Variants in HOXA11 observed in about 807,000 individuals in gnomAD.
HOXA11 encodes homeobox A11.
In HOXA11, 8 loss-of-function variants were observed where a neutral mutation model predicts 22.5. That is an observed-to-expected ratio of 0.36 (90% CI 0.21 to 0.64). The LOEUF (loss-of-function observed/expected upper bound fraction) is 0.64, where lower values mean the gene tolerates loss of function less well. Among genes scored for constraint, HOXA11 ranks in the 30% least tolerant of loss-of-function variants. The pLI is 0.67. For missense variants in HOXA11, 388 were observed against 429.0 expected (o/e 0.90, Z 0.84); for synonymous variants, 211 against 188.4 (o/e 1.12, Z -0.98).
At chr7:27,183,374 C>T (rs1038946337) in intron 1 of HOXA11, among the ~76,000 whole-genome samples, 8 of 152,240 alleles carry the variant, frequency 5.3e-5, no homozygotes, top group African/African-American at 1.9e-4. Context: ...CTCTCGCAGG[C>T]CAGACTAAAC....
rs1030889303 is a variant in HOXA11, at chr7:27,181,211, C to G, written c.*1585G>C. Among the ~76,000 whole-genome samples the G allele has an allele frequency of 6.6e-6, 1 of 152,102 alleles. No individual in the cohort carries two copies. The highest frequency in any genetic ancestry group is 2.4e-5 in the African/African-American group (1 of 41,406). ...TGCCCAGTTGCCTGTATAAGTGCTGCAACACACACGGTGGGTAAGAACCAG... is the reference window on the plus strand; with the variant it reads ...TGCCCAGTTGCCTGTATAAGTGCTGGAACACACACGGTGGGTAAGAACCAG... On this transcript the variant is annotated 3_prime_UTR_variant, in exon 2 of 2. Coordinates refer to ENST00000006015, the MANE Select transcript of HOXA11 (RefSeq NM_005523.6).
chr7:27,184,639 G>A lies in HOXA11; in HGVS notation c.506C>T (p.Pro169Leu). The change falls in exon 1 of 2, where the codon CCC becomes CTC. Residue 169 changes from proline to leucine, a missense_variant. Around this residue, in one of 4 missense-constraint regions of HOXA11, gnomAD observed 295 missense variants for 281.1 expected, o/e 1.05. Transcript: ENST00000006015. ...YPGDKSAEKG[P>L]PAATATSAAA... is the part of the protein sequence containing the mutation. ...CGCGGAGGTCGCCGTGGCCGCCGGG[G>A]GCCCCTTCTCGGCGCTCTTGTCCCC... 2 of 1,584,520 alleles carry A rather than the reference G, an allele frequency of 1.3e-6. No homozygotes were observed. The highest frequency in any genetic ancestry group is 1.4e-5 in the African/African-American group (1 of 72,862).
In HOXA11 at chr7:27,181,437, T is replaced by C. The variant is rs555512277; in HGVS notation, c.*1359A>G. On this transcript the variant is annotated 3_prime_UTR_variant, in exon 2 of 2. Coordinates refer to ENST00000006015, the MANE Select transcript of HOXA11 (RefSeq NM_005523.6). ...TTAAAAAGACCATTCTCAATACCTT[T>C]TCCACCCCCTCCAACACCCTAAAGG... is the stretch of plus-strand genomic sequence containing the variant. 589 of 148,848 alleles carry C rather than the reference T, an allele frequency of 4.0e-3. 4 individuals carry two copies. Among genetic ancestry groups the C allele is most frequent in the Admixed American group, 8.3e-3 (96 of 11,552 alleles). 9.2% of individuals were successfully genotyped at this position (148,848 alleles called of 1,614,324 possible). A position where few individuals can be genotyped will look rare whatever the true frequency, so the allele number is the denominator to read the frequency against.
Position 27,184,918 on chromosome 7 carries a change from C to T in HOXA11, c.227G>A (p.Arg76His). The stretch of plus-strand genomic sequence containing the variant: ...GGAGTAGCAGTGGGCCAGATTGCCG[C>T]GGGGGTGCCATTTAGTGGCGGGCTC... The part of the protein sequence containing the change: ...AIEPATKWHP[R>H]GNLAHCYSAE... Residue 76 changes from arginine to histidine, a missense_variant, in exon 1 of 2, where the codon CGC (arginine) becomes CAC (histidine). By Grantham distance (29) the Arg-to-His change is conservative (BLOSUM62 0). Coordinates refer to ENST00000006015, the MANE Select transcript of HOXA11 (RefSeq NM_005523.6). 6.2e-7 allele frequency: 1 copy of T among 1,613,988 alleles called. No homozygotes were observed. Among genetic ancestry groups the T allele is most frequent in the Non-Finnish European group, 8.5e-7 (1 of 1,179,924 alleles).
In HOXA11 at chr7:27,182,466, T is replaced by C; in HGVS notation, c.*330A>G. On this transcript the variant is annotated 3_prime_UTR_variant, in exon 2 of 2. Coordinates refer to ENST00000006015, the MANE Select transcript of HOXA11 (RefSeq NM_005523.6). ...TAGAGGGAGGGTGTGGTGGGGTTAG[T>C]CTCCAGGGGGTCTGGCAGGGGCCCA... The C allele has an allele frequency of 2.2e-6, 1 of 459,854 alleles. No homozygotes were observed. Among genetic ancestry groups the C allele is most frequent in the Non-Finnish European group, 4.0e-6 (1 of 249,120 alleles). 28.5% of individuals were successfully genotyped at this position (459,854 alleles called of 1,614,324 possible).
In HOXA11 at chr7:27,184,918, C is replaced by G. The variant is rs775862030; in HGVS notation, c.227G>C (p.Arg76Pro). 1 of 1,613,870 alleles carries G rather than the reference C, an allele frequency of 6.2e-7. No homozygotes were observed. ...AIEPATKWHP[R>P]GNLAHCYSAE... The stretch of plus-strand genomic sequence containing the variant: ...GGAGTAGCAGTGGGCCAGATTGCCG[C>G]GGGGGTGCCATTTAGTGGCGGGCTC... The change falls in exon 1 of 2, where the codon CGC (arginine) becomes CCC (proline). Residue 76 changes from arginine to proline, a missense_variant. Around this residue, in one of 4 missense-constraint regions of HOXA11, gnomAD observed 295 missense variants for 281.1 expected, o/e 1.05. Coordinates refer to ENST00000006015, the MANE Select transcript of HOXA11 (RefSeq NM_005523.6).
rs553316274 is a variant in HOXA11, at chr7:27,182,268, C to A, written c.*528G>T. 7.7e-6 allele frequency: 2 copies of A among 259,828 alleles called. No homozygotes were observed. The highest frequency in any genetic ancestry group is 2.2e-4 in the South Asian group (2 of 8,902). The allele number at this position is 259,828 out of a possible 1,614,324, so 16.1% of individuals were successfully genotyped here. A position where few individuals can be genotyped will look rare whatever the true frequency, so the allele number is the denominator to read the frequency against. On this transcript the variant is annotated 3_prime_UTR_variant, in exon 2 of 2. Coordinates refer to ENST00000006015, the MANE Select transcript of HOXA11 (RefSeq NM_005523.6). ...CACAAGGATTTGCAGCCCTCTTCCA[C>A]CTCAAAGCTACCTCCAAGTCCAGCC...
intron 1 of HOXA11, among the ~76,000 whole-genome samples, chr7:27,183,996 A>T (rs578183045): frequency 3.3e-5 from 5 of 152,166 alleles, no homozygotes; most frequent in Non-Finnish European, 5.9e-5. Flanking sequence ...GTCGTTAAAC[A>T]GCGACGCCTT....
chr7:27,182,489 C>A lies in HOXA11; in HGVS notation c.*307G>T. 2.1e-6 allele frequency: 1 copy of A among 476,812 alleles called. No homozygotes were observed. Among genetic ancestry groups the A allele is most frequent in the Non-Finnish European group, 3.8e-6 (1 of 260,012 alleles). The allele number at this position is 476,812 out of a possible 1,614,324, so 29.5% of individuals were successfully genotyped here. ...AGTCTCCAGGGGGTCTGGCAGGGGC[C>A]CAATCCCCAGTGGAGACCACACCCA... On this transcript the variant is annotated 3_prime_UTR_variant, in exon 2 of 2. Transcript: ENST00000006015.
At position 27,184,730 on chromosome 7, in the gene HOXA11, C is replaced by G. The variant is rs775170368; in HGVS notation, c.415G>C (p.Ala139Pro). ...TVGRNGVLPQ[A>P]FDQFFETAYG... Reference sequence around the variant, plus strand: ...GCTGTCTCGAAAAACTGGTCGAAAGCCTGTGGCAGGACGCCGTTCCTGCCC... The same window carrying G: ...GCTGTCTCGAAAAACTGGTCGAAAGGCTGTGGCAGGACGCCGTTCCTGCCC... Residue 139 changes from alanine to proline, a missense_variant, in exon 1 of 2, where the codon GCT (alanine) becomes CCT (proline). Coordinates refer to ENST00000006015, the MANE Select transcript of HOXA11 (RefSeq NM_005523.6). 2.2e-5 allele frequency: 36 copies of G among 1,613,864 alleles called. No individual in the cohort carries two copies. The highest frequency in any genetic ancestry group is 3.0e-5 in the Non-Finnish European group (35 of 1,179,942).
At chr7:27,183,719 T>A (rs921893372) in intron 1 of HOXA11, among the ~76,000 whole-genome samples, 1 of 122,190 alleles carries the variant, frequency 8.2e-6, no homozygotes, top group South Asian at 2.7e-4. Context: ...TTCCCGAAGC[T>A]GCGGGCAGGC....
rs759149884 is a variant in HOXA11, at chr7:27,184,632, C to A, written c.513G>T (p.Ala171=). 5 of 1,557,748 alleles carry A rather than the reference C, an allele frequency of 3.2e-6. No homozygotes were observed. The highest frequency in any genetic ancestry group is 5.0e-5 in the East Asian group (2 of 39,838). The part of the protein sequence containing the change: ...GDKSAEKGPP[A]ATATSAAAAA... The stretch of plus-strand genomic sequence containing the variant: ...CCGCCGCCGCGGAGGTCGCCGTGGC[C>A]GCCGGGGGCCCCTTCTCGGCGCTCT... The change falls in exon 1 of 2, where the codon GCG becomes GCT. Residue 171 remains alanine, a synonymous_variant. Transcript: ENST00000006015.
rs79389911 is a variant in HOXA11 at position 27,181,226 on chromosome 7, G to A, written c.*1570C>T. Among the ~76,000 whole-genome samples the A allele has an allele frequency of 2.7e-3, 411 of 152,294 alleles. 2 individuals are homozygous for A. The highest frequency in any genetic ancestry group is 9.4e-3 in the African/African-American group (389 of 41,536). On this transcript the variant is annotated 3_prime_UTR_variant, in exon 2 of 2. Transcript: ENST00000006015. Reference sequence around the variant, plus strand: ...ATAAGTGCTGCAACACACACGGTGGGTAAGAACCAGAATTGAGGACAGGCC... The same window carrying A: ...ATAAGTGCTGCAACACACACGGTGGATAAGAACCAGAATTGAGGACAGGCC...
chr7:27,183,534 T>A (rs958917192), intron 1 of HOXA11, among the ~76,000 whole-genome samples: 4 of 152,192 alleles, frequency 2.6e-5, no homozygotes, highest in Admixed American at 6.5e-5. Flanking sequence ...TTTGTCAGCC[T>A]GAGTCCTGGC....
intron 1 of HOXA11, among the ~76,000 whole-genome samples, chr7:27,184,213 GT>G (rs148277011): frequency 6.6e-6 from 1 of 150,782 alleles, no homozygotes; most frequent in African/African-American, 2.4e-5. Flanking sequence ...AAGGGGAGTT[GT>G]TTTTTTTTGC....
In HOXA11 at chr7:27,181,544, T is replaced by C; in HGVS notation, c.*1252A>G. 1 of 193,666 alleles carries C rather than the reference T, an allele frequency of 5.2e-6. No homozygotes were observed. Among genetic ancestry groups the C allele is most frequent in the Non-Finnish European group, 1.1e-5 (1 of 92,590 alleles). The allele number at this position is 193,666 out of a possible 1,614,324, so 12.0% of individuals were successfully genotyped here. Reference sequence around the variant, plus strand: ...TTATGGTTCCTTTATTTACAAGTTTTTTGAACACCATCCCTGTATGAAGCA... The same window carrying C: ...TTATGGTTCCTTTATTTACAAGTTTCTTGAACACCATCCCTGTATGAAGCA... On this transcript the variant is annotated 3_prime_UTR_variant, in exon 2 of 2. Transcript: ENST00000006015.
At position 27,181,697 on chromosome 7, in the gene HOXA11, T is replaced by C. The variant is rs1783769963; in HGVS notation, c.*1099A>G. ...ATCTTTTAAAATTCGCTTTGGTTCC[T>C]TCAGGGAAATATATATATATATAAT... On this transcript the variant is annotated 3_prime_UTR_variant, in exon 2 of 2. Transcript: ENST00000006015. The C allele has an allele frequency of 5.7e-6, 1 of 175,592 alleles. No homozygotes were observed. Among genetic ancestry groups the C allele is most frequent in the Non-Finnish European group, 1.2e-5 (1 of 81,704 alleles). The allele number at this position is 175,592 out of a possible 1,614,324, so 10.9% of individuals were successfully genotyped here.
rs780070206 is a variant in HOXA11 at position 27,184,841 on chromosome 7, C to A, written c.304G>T (p.Val102Leu). Residue 102 changes from valine to leucine, a missense_variant, in exon 1 of 2, where the codon GTG becomes TTG. Around this residue, in one of 4 missense-constraint regions of HOXA11, gnomAD observed 295 missense variants for 281.1 expected, o/e 1.05. Transcript: ENST00000006015. ...DCLQAPSAAG[V>L]PGDVLAKSSA... ...CTCTTGGCCAGCACGTCGCCAGGCACGCCGGCCGCGCTGGGCGCCTGCAGG... is the reference window on the plus strand; with the variant it reads ...CTCTTGGCCAGCACGTCGCCAGGCAAGCCGGCCGCGCTGGGCGCCTGCAGG... 3.7e-6 allele frequency: 6 copies of A among 1,613,346 alleles called. No individual in the cohort carries two copies. Among genetic ancestry groups the A allele is most frequent in the South Asian group, 2.2e-5 (2 of 91,058 alleles).
In HOXA11 at chr7:27,182,895, A is replaced by G; in HGVS notation, c.843T>C (p.Thr281=). The change falls in exon 2 of 2, where the codon ACT becomes ACC. Residue 281 remains threonine, a synonymous_variant. Coordinates refer to ENST00000006015, the MANE Select transcript of HOXA11 (RefSeq NM_005523.6). The part of the protein sequence containing the change: ...RLQLSRMLNL[T]DRQVKIWFQN... ...GAAACCAGATTTTGACTTGACGATC[A>G]GTGAGGTTGAGCATGCGGGACAGTT... 6.2e-7 allele frequency: 1 copy of G among 1,613,974 alleles called. No individual in the cohort carries two copies. Among genetic ancestry groups the G allele is most frequent in the South Asian group, 1.1e-5 (1 of 91,062 alleles).
Sources: allele counts gnomAD v4.1 joint callset (sites outside exome capture counted in the v4.1 genomes callset), GRCh38; gene constraint gnomAD v4.1.1; regional missense constraint gnomAD v4.1.1; transcripts MANE v1.5; gene names NCBI Gene and HGNC (gene_info 2026-07-23, HGNC 2026-07-21).